Variants in TPTE observed in about 807,000 individuals in gnomAD.
TPTE encodes putative tyrosine-protein phosphatase TPTE.
A neutral mutation model predicts 84.1 loss-of-function variants in TPTE; 59 were observed. The ratio of observed to expected loss-of-function variants is 0.70; its 90% confidence interval spans 0.57 to 0.87. TPTE has a LOEUF of 0.87. TPTE is among the 40% of genes least tolerant of loss of function. TPTE has a pLI of 0.00. For missense variants in TPTE, 382 were observed against 659.6 expected (o/e 0.58, Z 4.61); for synonymous variants, 130 against 223.5 (o/e 0.58, Z 3.73).
intron 3 of TPTE, among the ~76,000 whole-genome samples, chr21:10,531,923 A>G (rs1444751981): frequency 1.3e-5 from 2 of 152,300 alleles, no homozygotes; most frequent in Non-Finnish European, 1.5e-5. Context: ...GAAACAGTTC[A>G]TCCTTTTTCC....
intron 3 of TPTE, among the ~76,000 whole-genome samples, chr21:10,530,297 G>C (rs2074154622): frequency 6.6e-6 from 1 of 152,308 alleles, no homozygotes; most frequent in African/African-American, 2.4e-5. Context: ...ATATCTAGAT[G>C]AGAGTACAGA....
chr21:10,589,491 G>A (rs1415540383), intron 17 of TPTE, among the ~76,000 whole-genome samples: 1 of 151,698 alleles, frequency 6.6e-6, no homozygotes, highest in African/African-American at 2.4e-5. Context: ...TAGGGGGATT[G>A]GGGGCACAAG....
intron 1 of TPTE, among the ~76,000 whole-genome samples, chr21:10,522,480 C>G (rs1001932465): frequency 1.3e-5 from 2 of 152,306 alleles, no homozygotes; most frequent in Admixed American, 6.5e-5. Flanking sequence ...GGCGTAGGGT[C>G]CCCAGCGATG....
At chr21:10,558,885 C>A (rs2074736107) in intron 8 of TPTE, among the ~76,000 whole-genome samples, 1 of 152,304 alleles carries the variant, frequency 6.6e-6, no homozygotes, top group African/African-American at 2.4e-5. Flanking sequence ...CTCCATCAAA[C>A]AGGTTCTCCT....
At chr21:10,537,706 G>T (rs1481655379) in intron 3 of TPTE, among the ~76,000 whole-genome samples, 1 of 151,792 alleles carries the variant, frequency 6.6e-6, no homozygotes, top group African/African-American at 2.4e-5. Context: ...AAAAGAAAAA[G>T]AAATAAATCA....
intron 20 of TPTE, 34 bp downstream of exon 20, chr21:10,596,121 A>C: frequency 6.2e-7 from 1 of 1,613,396 alleles, no homozygotes; most frequent in East Asian, 2.2e-5. Flanking sequence ...AGAATTGGGC[A>C]GGAGGGCCAA....
intron 3 of TPTE, among the ~76,000 whole-genome samples, chr21:10,530,584 G>A (rs2074160451): frequency 6.6e-6 from 1 of 152,426 alleles, no homozygotes; most frequent in South Asian, 2.1e-4. Context: ...CACATATATT[G>A]CTTCCTACCA....
At chr21:10,537,133 G>C (rs2074280399) in intron 3 of TPTE, among the ~76,000 whole-genome samples, 1 of 152,308 alleles carries the variant, frequency 6.6e-6, no homozygotes, top group East Asian at 1.9e-4. Flanking sequence ...GAAATGAGAT[G>C]GGGTCAAGGG....
intron 8 of TPTE, among the ~76,000 whole-genome samples, chr21:10,558,746 G>A (rs1466836005): frequency 6.6e-6 from 1 of 152,132 alleles, no homozygotes; most frequent in Non-Finnish European, 1.5e-5. Flanking sequence ...TTCTACTGAA[G>A]CCTCCTGTGT....
intron 19 of TPTE, among the ~76,000 whole-genome samples, chr21:10,594,024 T>A (rs1482942773): frequency 6.6e-6 from 1 of 152,304 alleles, no homozygotes. Context: ...GTGAATTTAC[T>A]GAAGTGCAGC....
intron 10 of TPTE, among the ~76,000 whole-genome samples, chr21:10,566,050 C>T (rs563247146): frequency 1.0e-3 from 153 of 152,354 alleles, no homozygotes; most frequent in African/African-American, 3.4e-3. Context: ...GCAGAGGAAA[C>T]GATTAGCAAA....
chr21:10,573,885 C>T (rs549226394), intron 14 of TPTE, among the ~76,000 whole-genome samples: 52 of 152,340 alleles, frequency 3.4e-4, no homozygotes, highest in African/African-American at 1.2e-3. Context: ...CAATGCAAAT[C>T]CTCTTCAGGC....
At chr21:10,550,979 T>A (rs1320096558) in intron 7 of TPTE, among the ~76,000 whole-genome samples, 1 of 152,302 alleles carries the variant, frequency 6.6e-6, no homozygotes, top group East Asian at 1.9e-4. Context: ...CATATGGAAA[T>A]TAAACAACAT....
chr21:10,601,049 G>A (rs1388099239), intron 21 of TPTE, among the ~76,000 whole-genome samples: 2 of 152,312 alleles, frequency 1.3e-5, no homozygotes, highest in Non-Finnish European at 2.9e-5. Flanking sequence ...GTTATGCATT[G>A]CTTTTTGAAT....
At chr21:10,546,875 G>A (rs1377425503) in intron 7 of TPTE, among the ~76,000 whole-genome samples, 21 of 152,302 alleles carry the variant, frequency 1.4e-4, no homozygotes, top group Non-Finnish European at 2.5e-4. Flanking sequence ...AAAAGTGCAA[G>A]GTAAACAGCC....
At chr21:10,550,054 T>C (rs1335544580) in intron 7 of TPTE, among the ~76,000 whole-genome samples, 6 of 152,308 alleles carry the variant, frequency 3.9e-5, no homozygotes, top group Admixed American at 3.9e-4. Context: ...AAGAATATTA[T>C]AGCCAGCACA....
intron 14 of TPTE, among the ~76,000 whole-genome samples, chr21:10,575,474 G>T (rs1426068348): frequency 6.6e-6 from 1 of 152,310 alleles, no homozygotes; most frequent in African/African-American, 2.4e-5. Context: ...GAGGAGGAAG[G>T]ATCCCCCACA....
At chr21:10,555,281 A>C (rs1281486720) in intron 8 of TPTE, among the ~76,000 whole-genome samples, 12 of 152,396 alleles carry the variant, frequency 7.9e-5, no homozygotes. Flanking sequence ...CACTCAGCTC[A>C]CTGCAACCTC....
chr21:10,605,490 G>T lies in TPTE; in HGVS notation c.1594G>T (p.Ala532Ser). The stretch of plus-strand genomic sequence containing the variant: ...ACGGAGAATTTATCCATCAGATTTT[G>T]CCGTGGAGATACTTTTTGGCGAGAA... ...KARRIYPSDFAVEILFGEKMT... is the reference protein window; with the variant it reads ...KARRIYPSDFSVEILFGEKMT... The change falls in exon 24 of 24, where the codon GCC becomes TCC. Residue 532 changes from alanine to serine, a missense_variant. Physicochemically the swap from Ala to Ser is moderately conservative, Grantham distance 99 (BLOSUM62 1). Around this residue, in one of 10 missense-constraint regions of TPTE, gnomAD observed 120 missense variants for 79.1 expected, o/e 1.52. Transcript: ENST00000618007. 1.9e-6 allele frequency: 3 copies of T among 1,614,246 alleles called. No individual in the cohort carries two copies. The highest frequency in any genetic ancestry group is 2.2e-5 in the East Asian group (1 of 44,880).
Sources: gnomAD v4.1 joint callset for allele counts (sites outside exome capture counted in the v4.1 genomes callset) on GRCh38, gnomAD v4.1.1 for gene constraint, gnomAD v4.1.1 regional missense constraint, MANE v1.5 for transcripts, NCBI Gene and HGNC (gene_info 2026-07-23, HGNC 2026-07-21) for gene names.